Variants in RIPOR2 observed in about 807,000 individuals in gnomAD.
RIPOR2 encodes RHO family interacting cell polarization regulator 2.
A neutral mutation model predicts 114.5 loss-of-function variants in RIPOR2; 39 were observed. That is an observed-to-expected ratio of 0.34 (90% CI 0.26 to 0.44). RIPOR2 has a LOEUF of 0.44. RIPOR2 is among the 20% of genes least tolerant of loss of function. The pLI, the probability that RIPOR2 is intolerant of heterozygous loss-of-function variation, is 1.00. For missense variants in RIPOR2, 1,007 were observed against 1,255.1 expected (o/e 0.80, Z 2.99); for synonymous variants, 445 against 484.4 (o/e 0.92, Z 1.07).
intron 1 of RIPOR2, among the ~76,000 whole-genome samples, chr6:24,954,920 G>C (rs1772958691): frequency 6.6e-6 from 1 of 152,180 alleles, no homozygotes; most frequent in African/African-American, 2.4e-5. Context: ...GCAGCACTTA[G>C]GGCATTCTTC....
rs188736330 is a variant in RIPOR2 at position 24,847,782 on chromosome 6, C to A, written c.1164+243G>T. ...TTTTAGCAAGCATTTTTGATTAAAA[C>A]AAGGAGGCTATTATTTATATGCACT... On this transcript the variant is annotated intron_variant, in intron 12 of 21. Coordinates refer to ENST00000643898, the MANE Select transcript of RIPOR2 (RefSeq NM_001286445.3). 1.9e-4 allele frequency: 255 copies of A among 1,323,220 alleles called. No individual in the cohort carries two copies. The African/African-American group carries it at 3.6e-3, about 19-fold the overall frequency. 82.0% of individuals were successfully genotyped at this position (1,323,220 alleles called of 1,614,324 possible).
chr6:24,923,702 A>T (rs430661), intron 1 of RIPOR2, among the ~76,000 whole-genome samples: 1 of 151,778 alleles, frequency 6.6e-6, no homozygotes, highest in South Asian at 2.1e-4. Context: ...AAATATTAGC[A>T]GGGGACGTGA....
intron 1 of RIPOR2, among the ~76,000 whole-genome samples, chr6:25,035,932 T>G (rs571270091): frequency 6.6e-6 from 1 of 152,296 alleles, no homozygotes; most frequent in Admixed American, 6.5e-5. Context: ...TGAATCAGAG[T>G]GCCTTCCAGA....
chr6:24,866,376 A>T (rs756447566), intron 6 of RIPOR2, among the ~76,000 whole-genome samples: 1 of 152,178 alleles, frequency 6.6e-6, no homozygotes, highest in Non-Finnish European at 1.5e-5. Context: ...TTCTCAATCA[A>T]CCCAAGGCAA....
intron 15 of RIPOR2, 41 bp downstream of exon 15, chr6:24,835,662 A>G (rs1360505618): frequency 1.3e-6 from 2 of 1,537,510 alleles, no homozygotes; most frequent in Non-Finnish European, 1.8e-6. Context: ...TGGTATGTAA[A>G]TCACCTGGCA....
chr6:24,902,307 TG>T (rs1396548381), intron 1 of RIPOR2, among the ~76,000 whole-genome samples: 7 of 152,004 alleles, frequency 4.6e-5, no homozygotes, highest in African/African-American at 1.7e-4. Context: ...CTCCGCCTCC[TG>T]GGTTCAAGTG....
intron 1 of RIPOR2, among the ~76,000 whole-genome samples, chr6:24,910,341 A>C (rs567803943): frequency 6.6e-6 from 1 of 152,326 alleles, no homozygotes. Flanking sequence ...GCCCGGGGGC[A>C]AATGAAGACC....
intron 1 of RIPOR2, among the ~76,000 whole-genome samples, chr6:25,039,519 T>G (rs899865711): frequency 2.0e-5 from 3 of 152,228 alleles, no homozygotes; most frequent in Non-Finnish European, 4.4e-5. Flanking sequence ...CATCTATTAA[T>G]ATATCATTTC....
At chr6:24,902,200 TTTTC>T (rs142177299) in intron 1 of RIPOR2, among the ~76,000 whole-genome samples, 5,062 of 151,862 alleles carry the variant, frequency 0.033, 97 homozygotes, top group African/African-American at 0.05. Context: ...TACTTTTTCT[TTTTC>T]TTTCTTTCTT....
At chr6:24,983,711 C>T (rs1477854831) in intron 1 of RIPOR2, among the ~76,000 whole-genome samples, 3 of 145,624 alleles carry the variant, frequency 2.1e-5, no homozygotes, top group Non-Finnish European at 4.5e-5. Flanking sequence ...GAGTCAAGAC[C>T]GTGCCACTAC....
chr6:24,900,332 G>A (rs1048481749), intron 1 of RIPOR2, among the ~76,000 whole-genome samples: 1 of 152,224 alleles, frequency 6.6e-6, no homozygotes, highest in Non-Finnish European at 1.5e-5. Context: ...ATAAAATGGA[G>A]TAATTACCTC....
chr6:24,909,702 G>T (rs1028888383), intron 1 of RIPOR2, among the ~76,000 whole-genome samples: 1 of 152,138 alleles, frequency 6.6e-6, no homozygotes, highest in African/African-American at 2.4e-5. Flanking sequence ...CAAGCGTGTG[G>T]ACGTAAGAGG....
intron 1 of RIPOR2, among the ~76,000 whole-genome samples, chr6:24,990,630 T>A (rs1217428951): frequency 6.6e-6 from 1 of 152,232 alleles, no homozygotes; most frequent in African/African-American, 2.4e-5. Context: ...TGTATTAGAA[T>A]GAGAGGACTG....
chr6:24,974,153 G>A lies in RIPOR2; in HGVS notation c.76+67698C>T, dbSNP rs189937558. ...AATCCCAGCACTTTGGGAGGCAGAG[G>A]TGGGAGGACTGTTTGAGCCCAGGAG... is the stretch of plus-strand genomic sequence containing the variant. On this transcript the variant is annotated intron_variant, in intron 1 of 13. Transcript: ENST00000510784. Among the ~76,000 whole-genome samples the A allele has an allele frequency of 1.9e-3, 285 of 152,310 alleles. 2 individuals carry two copies. Among genetic ancestry groups the A allele is most frequent in the Non-Finnish European group, 1.2e-3 (79 of 68,028 alleles).
chr6:24,846,738 TATGTGTGTGTGCATGC>T (rs144485566), intron 12 of RIPOR2, among the ~76,000 whole-genome samples: 24 of 152,330 alleles, frequency 1.6e-4, no homozygotes, highest in African/African-American at 5.3e-4. Flanking sequence ...ATGTTCCATG[TATGTGTGTGTGCATGC>T]ATGTGTGTGT....
chr6:24,913,779 A>G (rs374404849), intron 1 of RIPOR2, among the ~76,000 whole-genome samples: 127 of 152,112 alleles, frequency 8.3e-4, no homozygotes, highest in African/African-American at 2.7e-3. Context: ...GGTTCTTACT[A>G]TCCCTTAGGC....
intron 1 of RIPOR2, among the ~76,000 whole-genome samples, chr6:25,032,693 AC>A (rs1417496512): frequency 2.0e-5 from 3 of 152,210 alleles, no homozygotes; most frequent in African/African-American, 7.2e-5. Flanking sequence ...ATAAGTAAGT[AC>A]GTGGACGGTT....
At chr6:24,872,365 T>C (rs188892437) in intron 4 of RIPOR2, among the ~76,000 whole-genome samples, 1 of 152,250 alleles carries the variant, frequency 6.6e-6, no homozygotes, top group Admixed American at 6.5e-5. Context: ...TTCCAAATTA[T>C]TTATATTAAT....
At chr6:24,839,039 C>G in intron 14 of RIPOR2, 52 bp downstream of exon 14, 6 of 1,428,816 alleles carry the variant, frequency 4.2e-6, no homozygotes, top group Non-Finnish European at 5.7e-6. Context: ...CAAAGAACTA[C>G]TGTATCAGCT....
Sources: gnomAD v4.1 joint callset for allele counts (sites outside exome capture counted in the v4.1 genomes callset) on GRCh38, gnomAD v4.1.1 for gene constraint, MANE v1.5 for transcripts, NCBI Gene and HGNC (gene_info 2026-07-23, HGNC 2026-07-21) for gene names.